The following ANKS6 variants were observed in gnomAD, a reference collection of about 807,000 sequenced individuals.
ANKS6 encodes the protein ankyrin repeat and SAM domain-containing protein 6.
Under a neutral mutation model 77.9 loss-of-function variants are expected in ANKS6, and 47 were observed. The observed-to-expected ratio is 0.60, with a 90% CI of 0.48 to 0.77. ANKS6 has a LOEUF of 0.77. Among genes scored for constraint, ANKS6 ranks in the 30% least tolerant of loss-of-function variants. The pLI is 0.00. For missense variants in ANKS6, 1,150 were observed against 1,159.1 expected (o/e 0.99, Z 0.11); for synonymous variants, 488 against 501.7 (o/e 0.97, Z 0.37).
chr9:98,790,525 C>T lies in ANKS6; in HGVS notation c.441G>A (p.Val147=). Residue 147 remains valine, a synonymous_variant, in exon 2 of 15, where the codon GTG becomes GTA. Coordinates refer to ENST00000353234, the MANE Select transcript of ANKS6 (RefSeq NM_173551.5). ...VNAQNRLGAS[V]LTVASRGGHL... ...GGCCGCCCCGAGAAGCCACAGTGAG[C>T]ACACTGGCCCCCAGCCGGTTCTGGG... is the stretch of plus-strand genomic sequence containing the variant. 6.2e-7 allele frequency: 1 copy of T among 1,613,606 alleles called. No homozygotes were observed. Among genetic ancestry groups the T allele is most frequent in the Non-Finnish European group, 8.5e-7 (1 of 1,179,910 alleles).
At chr9:98,787,699 C>T (rs909495920) in intron 2 of ANKS6, among the ~76,000 whole-genome samples, 4 of 152,196 alleles carry the variant, frequency 2.6e-5, no homozygotes, top group African/African-American at 9.7e-5. Context: ...TCACAAAAAT[C>T]TCCCAAGAAA....
intron 13 of ANKS6, among the ~76,000 whole-genome samples, chr9:98,748,004 C>A (rs1046918680): frequency 6.6e-6 from 1 of 152,206 alleles, no homozygotes. Flanking sequence ...AGGTCCGTTC[C>A]CCCTCTTTCT....
intron 13 of ANKS6, 55 bp from the exon 14 acceptor site, chr9:98,745,730 A>T (rs1832092661): frequency 7.6e-7 from 1 of 1,320,722 alleles, no homozygotes; most frequent in Non-Finnish European, 1.1e-6. Flanking sequence ...GTTTCTTCCC[A>T]GTCACAACAG....
chr9:98,783,886 G>T, intron 4 of ANKS6, 67 bp downstream of exon 4: 6 of 1,392,922 alleles, frequency 4.3e-6, no homozygotes, highest in Non-Finnish European at 5.6e-6. Context: ...GAGCCCATTG[G>T]GAACCTCCAT....
In ANKS6 at chr9:98,768,534, T is replaced by G. The variant is rs976613138; in HGVS notation, c.1973-284A>C. Among the ~76,000 whole-genome samples the G allele has an allele frequency of 1.2e-4, 18 of 152,124 alleles. 1 individual carries two copies. Among genetic ancestry groups the G allele is most frequent in the African/African-American group, 4.3e-4 (18 of 41,434 alleles). ...CGCTTTCCCCGTGCCACAGCCAGCT[T>G]GTGCCGGCCCCCACCAGGCACAGAT... On this transcript the variant is annotated intron_variant, in intron 10 of 14. Transcript: ENST00000353234.
chr9:98,758,324 CT>C (rs35699060), intron 11 of ANKS6, among the ~76,000 whole-genome samples: 181 of 134,822 alleles, frequency 1.3e-3, no homozygotes, highest in African/African-American at 2.8e-3. Context: ...CGCCATCTTT[CT>C]TTTTTTTTTT....
At chr9:98,777,594 T>G in intron 7 of ANKS6, 140 bp from the exon 8 acceptor site, 1 of 743,444 alleles carries the variant, frequency 1.3e-6, no homozygotes, top group South Asian at 1.8e-5. Flanking sequence ...TATTCGATAT[T>G]TTAATAGAAG....
intron 6 of ANKS6, among the ~76,000 whole-genome samples, chr9:98,778,755 TC>T (rs1834062285): frequency 1.3e-5 from 2 of 152,122 alleles, no homozygotes; most frequent in South Asian, 4.1e-4. Context: ...TTGCTTGAGG[TC>T]TTACAGTGAG....
Position 98,734,562 on chromosome 9 carries a change from C to A in ANKS6, c.*1957G>T. The A allele has an allele frequency of 1.7e-5, 17 of 985,466 alleles. No homozygotes were observed. Among genetic ancestry groups the A allele is most frequent in the Non-Finnish European group, 2.0e-5 (17 of 829,972 alleles). The allele number at this position is 985,466 out of a possible 1,614,324, so 61.0% of individuals were successfully genotyped here. On this transcript the variant is annotated 3_prime_UTR_variant, in exon 15 of 15. Transcript: ENST00000353234. ...CAAGAATCACAAGTGCTTCTAGCTC[C>A]AGGAGTCTATAGGAGTTAGTGGAAA...
In ANKS6 at chr9:98,734,232, G is replaced by A; in HGVS notation, c.*2287C>T. 1.0e-6 allele frequency: 1 copy of A among 985,494 alleles called. No individual in the cohort carries two copies. 61.0% of individuals were successfully genotyped at this position (985,494 alleles called of 1,614,324 possible). ...GAGTCCAGTGAAAAAGAAAGGAAAG[G>A]CATTGTCTGGAGCCTCTGCTGTCCT... On this transcript the variant is annotated 3_prime_UTR_variant, in exon 15 of 15. Coordinates refer to ENST00000353234, the MANE Select transcript of ANKS6 (RefSeq NM_173551.5).
At position 98,774,096 on chromosome 9, in the gene ANKS6, T is replaced by C. The variant is rs772363640; in HGVS notation, c.1618-16A>G. ...CGTTTCGAAGCTGAAAAAGACAGGC[T>C]GAGGGTTAGACAAGCCCCCAGGAGG... On this transcript the variant is annotated splice_polypyrimidine_tract_variant and intron_variant, in intron 8 of 14. Coordinates refer to ENST00000353234, the MANE Select transcript of ANKS6 (RefSeq NM_173551.5). 12 of 1,448,674 alleles carry C rather than the reference T, an allele frequency of 8.3e-6. No individual in the cohort carries two copies. Among genetic ancestry groups the C allele is most frequent in the South Asian group, 1.5e-5 (1 of 66,310 alleles). 89.7% of individuals were successfully genotyped at this position (1,448,674 alleles called of 1,614,324 possible).
At chr9:98,748,903 C>T (rs1433857766) in intron 13 of ANKS6, among the ~76,000 whole-genome samples, 1 of 152,172 alleles carries the variant, frequency 6.6e-6, no homozygotes, top group Non-Finnish European at 1.5e-5. Context: ...CTTCCATATT[C>T]TCACTGATAA....
At chr9:98,777,854 A>G (rs1834000932) in intron 7 of ANKS6, among the ~76,000 whole-genome samples, 1 of 152,212 alleles carries the variant, frequency 6.6e-6, no homozygotes, top group Non-Finnish European at 1.5e-5. Flanking sequence ...CGGGGAGCTC[A>G]CTACTCACAC....
intron 13 of ANKS6, among the ~76,000 whole-genome samples, chr9:98,747,719 G>C (rs1174465054): frequency 6.6e-6 from 1 of 152,022 alleles, no homozygotes; most frequent in Non-Finnish European, 1.5e-5. Context: ...CTTGGTGAGG[G>C]GCCCTCCACC....
At chr9:98,772,391 C>T (rs1424246788) in intron 9 of ANKS6, among the ~76,000 whole-genome samples, 4 of 152,208 alleles carry the variant, frequency 2.6e-5, no homozygotes, top group Admixed American at 6.5e-5. Flanking sequence ...CGGAGCCTCC[C>T]GAGGGAGCAG....
chr9:98,736,713 C>T, intron 14 of ANKS6, 90 bp from the exon 15 acceptor site: 1 of 1,467,818 alleles, frequency 6.8e-7, no homozygotes, highest in Non-Finnish European at 9.3e-7. Context: ...ATGTTCAACT[C>T]ATACTTCAAA....
At chr9:98,777,506 A>T in intron 7 of ANKS6, 52 bp from the exon 8 acceptor site, 1 of 1,577,460 alleles carries the variant, frequency 6.3e-7, no homozygotes, top group Non-Finnish European at 8.7e-7. Flanking sequence ...TGTCCACAGC[A>T]TAAGGATGAG....
rs772371662 is a variant in ANKS6 at position 98,791,027 on chromosome 9, T to C, written c.360-421A>G. Among the ~76,000 whole-genome samples, 1 of 152,240 alleles carries C rather than the reference T, an allele frequency of 6.6e-6. No homozygotes were observed. Among genetic ancestry groups the C allele is most frequent in the Non-Finnish European group, 1.5e-5 (1 of 68,046 alleles). Reference sequence around the variant, plus strand: ...AGGTATTATAATTGTTCATGTTACGTTATTCAACGTGCCAAGGGTTACCCG... The same window carrying C: ...AGGTATTATAATTGTTCATGTTACGCTATTCAACGTGCCAAGGGTTACCCG... On this transcript the variant is annotated intron_variant, in intron 1 of 14. Transcript: ENST00000353234. The surrounding 1 kb of genome is among the most constrained non-coding windows in gnomAD (Gnocchi z 4.3).
intron 2 of ANKS6, 80 bp downstream of exon 2, chr9:98,790,024 C>T: frequency 6.7e-7 from 1 of 1,495,228 alleles, no homozygotes; most frequent in Non-Finnish European, 8.9e-7. Context: ...CGTGTCCTTC[C>T]AGTAGAGCAA....
Sources: gnomAD v4.1 joint callset for allele counts (sites outside exome capture counted in the v4.1 genomes callset) on GRCh38, gnomAD v4.1.1 for gene constraint, Gnocchi (gnomAD v3.1) non-coding constraint, MANE v1.5 for transcripts, NCBI Gene and HGNC (gene_info 2026-07-23, HGNC 2026-07-21) for gene names.